MYO3B: variants seen among roughly 807,000 people sequenced by gnomAD.
The protein encoded by MYO3B is myosin IIIB.
In MYO3B, 156 loss-of-function variants were observed where a neutral mutation model predicts 174.6. The ratio of observed to expected loss-of-function variants is 0.89; its 90% CI spans 0.78 to 1.02. The LOEUF (loss-of-function observed/expected upper bound fraction) is 1.02. Ranked by LOEUF, MYO3B falls within the 50% of genes least tolerant of loss-of-function variation. MYO3B has a pLI of 0.00. For missense variants in MYO3B, 1,632 were observed against 1,639.4 expected (o/e 1.00, Z 0.08); for synonymous variants, 563 against 569.1 (o/e 0.99, Z 0.15).
chr2:170,298,186 G>T (rs1312135390), intron 7 of MYO3B, among the ~76,000 whole-genome samples: 1 of 152,054 alleles, frequency 6.6e-6, no homozygotes, highest in Non-Finnish European at 1.5e-5. Context: ...GCTAAAAAAT[G>T]ATCCAGTTGA....
At chr2:170,521,138 C>T (rs1045612905) in intron 30 of MYO3B, among the ~76,000 whole-genome samples, 6 of 152,062 alleles carry the variant, frequency 3.9e-5, no homozygotes, top group African/African-American at 1.2e-4. Context: ...TTTGTGAGAT[C>T]GCTTAAGATT....
chr2:170,291,589 T>C (rs1035962157), intron 7 of MYO3B, among the ~76,000 whole-genome samples: 3 of 152,218 alleles, frequency 2.0e-5, no homozygotes, highest in African/African-American at 7.2e-5. Context: ...TAACTCCCTT[T>C]ATAATTTCTT....
chr2:170,551,538 CAAAAAAAAAAAAAAAA>C (rs3072763), intron 32 of MYO3B, among the ~76,000 whole-genome samples: 1 of 56,202 alleles, frequency 1.8e-5, no homozygotes, highest in Admixed American at 3.0e-4. Flanking sequence ...TGACTTTTTG[CAAAAAAAAAAAAAAAA>C]AAAAAAAAAA....
intron 25 of MYO3B, among the ~76,000 whole-genome samples, chr2:170,494,610 C>A (rs1686719318): frequency 6.6e-6 from 1 of 151,452 alleles, no homozygotes; most frequent in Non-Finnish European, 1.5e-5. Flanking sequence ...TGCCTGTAAT[C>A]CCAGCTACTC....
At chr2:170,387,776 C>T (rs983676212) in intron 14 of MYO3B, among the ~76,000 whole-genome samples, 7 of 152,122 alleles carry the variant, frequency 4.6e-5, no homozygotes, top group Non-Finnish European at 1.0e-4. Flanking sequence ...AATGCAGGTT[C>T]TGATACTCAC....
intron 6 of MYO3B, among the ~76,000 whole-genome samples, chr2:170,223,346 T>G (rs953893510): frequency 6.6e-6 from 1 of 152,204 alleles, no homozygotes; most frequent in Non-Finnish European, 1.5e-5. Flanking sequence ...CAATTTCTTA[T>G]AGTAAGTAAT....
intron 6 of MYO3B, among the ~76,000 whole-genome samples, chr2:170,218,124 A>G (rs1043384490): frequency 3.3e-5 from 5 of 152,168 alleles, no homozygotes; most frequent in African/African-American, 1.2e-4. Flanking sequence ...CCATCTCTGC[A>G]TGATGGTATT....
chr2:170,342,861 G>A (rs1251892645), intron 8 of MYO3B, among the ~76,000 whole-genome samples: 1 of 152,086 alleles, frequency 6.6e-6, no homozygotes, highest in Non-Finnish European at 1.5e-5. Flanking sequence ...ACCAGCAGTA[G>A]AGGTTATTTT....
At chr2:170,580,066 A>G (rs1693032626) in intron 32 of MYO3B, among the ~76,000 whole-genome samples, 1 of 152,224 alleles carries the variant, frequency 6.6e-6, no homozygotes, top group Non-Finnish European at 1.5e-5. Context: ...AAATGGCATT[A>G]TCTTTTCACT....
chr2:170,232,414 G>C (rs918006416), intron 6 of MYO3B, among the ~76,000 whole-genome samples: 3 of 152,166 alleles, frequency 2.0e-5, no homozygotes, highest in Middle Eastern at 3.2e-3. Flanking sequence ...TTTCCTCCTG[G>C]TAAGGAGCAA....
At chr2:170,473,536 T>C (rs1194560696) in intron 25 of MYO3B, among the ~76,000 whole-genome samples, 1 of 152,188 alleles carries the variant, frequency 6.6e-6, no homozygotes, top group Non-Finnish European at 1.5e-5. Flanking sequence ...ACTGGCTTTG[T>C]TGAGGTTAAG....
At position 170,562,086 on chromosome 2, in the gene MYO3B, C is replaced by T. The variant is rs181534032; in HGVS notation, c.3733+18098C>T. 5.3e-5 allele frequency among the ~76,000 whole-genome samples: 8 copies of T among 152,080 alleles called. No individual in the cohort carries two copies. The East Asian group carries it at 1.5e-3, about 29-fold the overall frequency. On this transcript the variant is annotated intron_variant, in intron 32 of 34. Transcript: ENST00000408978. ...CTCAATTTTTCATATTTAATAGAAA[C>T]AGAAGGAGAATTATTAGTGGAATTC...
At chr2:170,521,653 G>A (rs1688675237) in intron 30 of MYO3B, among the ~76,000 whole-genome samples, 1 of 152,042 alleles carries the variant, frequency 6.6e-6, no homozygotes, top group South Asian at 2.1e-4. Flanking sequence ...CTATCAGGTA[G>A]CACCTCCCCT....
In MYO3B at chr2:170,401,438, A is replaced by C. The variant is rs763224098; in HGVS notation, c.1919-43A>C. ...AAATGCTGAACAGACTGACTGAATG[A>C]AGGTCTGGCTACATTCTGTGTTATC... On this transcript the variant is annotated intron_variant, in intron 17 of 34. Coordinates refer to ENST00000408978, the MANE Select transcript of MYO3B (RefSeq NM_138995.5). 9 of 1,549,228 alleles carry C rather than the reference A, an allele frequency of 5.8e-6. No homozygotes were observed. In the South Asian group the frequency reaches 1.0e-4, roughly 17 times the overall value.
intron 3 of MYO3B, among the ~76,000 whole-genome samples, chr2:170,213,250 C>T (rs992474665): frequency 2.0e-5 from 3 of 152,130 alleles, no homozygotes; most frequent in East Asian, 1.9e-4. Context: ...CCGGGAGCAT[C>T]GGGCAAGACT....
chr2:170,441,499 A>G (rs971438210), intron 22 of MYO3B, among the ~76,000 whole-genome samples: 1 of 152,274 alleles, frequency 6.6e-6, no homozygotes, highest in Non-Finnish European at 1.5e-5. Flanking sequence ...AGTGAAAGCA[A>G]GTTCATTAGG....
intron 32 of MYO3B, among the ~76,000 whole-genome samples, chr2:170,623,295 G>A (rs1426039330): frequency 6.6e-6 from 1 of 152,144 alleles, no homozygotes; most frequent in Non-Finnish European, 1.5e-5. Context: ...TCTCACTGTG[G>A]TTTTGATTTG....
At chr2:170,366,601 T>C (rs6761096) in intron 8 of MYO3B, among the ~76,000 whole-genome samples, 133,562 of 152,218 alleles carry the variant, frequency 0.88, 59,151 homozygotes, top group Non-Finnish European at 0.94. Flanking sequence ...CCAACAGATC[T>C]TCTTGATCAT....
chr2:170,460,106 G>A (rs915217774), intron 23 of MYO3B, among the ~76,000 whole-genome samples: 5 of 152,150 alleles, frequency 3.3e-5, no homozygotes, highest in African/African-American at 1.2e-4. Flanking sequence ...CTCCTCAAGC[G>A]TGGCCAGAGT....
Sources: gnomAD v4.1 joint callset for allele counts (sites outside exome capture counted in the v4.1 genomes callset) on GRCh38, gnomAD v4.1.1 for gene constraint, MANE v1.5 for transcripts, NCBI Gene and HGNC (gene_info 2026-07-23, HGNC 2026-07-21) for gene names.